NKAIN2: variants seen among roughly 807,000 people sequenced by gnomAD.
NKAIN2 encodes the protein sodium/potassium-transporting ATPase subunit beta-1-interacting protein 2.
A neutral mutation model predicts 32.6 loss-of-function variants in NKAIN2; 14 were observed. The ratio of observed to expected loss-of-function variants is 0.43; its 90% confidence interval spans 0.28 to 0.67. The LOEUF (loss-of-function observed/expected upper bound fraction) is 0.67. NKAIN2 is among the 30% of genes least tolerant of loss of function. The probability of loss-of-function intolerance (pLI) is 0.17; values close to 1 mark genes in which losing one functional copy is unlikely to be tolerated. For synonymous variants in NKAIN2, 80 were observed against 87.2 expected, an observed-to-expected ratio of 0.92 and a Z score of 0.46; for missense variants, 198 against 258.3, an observed-to-expected ratio of 0.77 and a Z score of 1.60.
At chr6:124,114,322 A>T (rs1214949671) in intron 1 of NKAIN2, among the ~76,000 whole-genome samples, 1 of 151,772 alleles carries the variant, frequency 6.6e-6, no homozygotes, top group Non-Finnish European at 1.5e-5. Flanking sequence ...CACAAGGGAC[A>T]TTTGGCCTTA....
intron 3 of NKAIN2, among the ~76,000 whole-genome samples, chr6:124,561,727 AAT>A (rs1375166843): frequency 6.6e-6 from 1 of 152,282 alleles, no homozygotes; most frequent in East Asian, 1.9e-4. Context: ...TTTAATGGTA[AAT>A]ATATCCTAAA....
intron 3 of NKAIN2, among the ~76,000 whole-genome samples, chr6:124,502,061 A>T (rs950354074): frequency 6.6e-6 from 1 of 152,084 alleles, no homozygotes; most frequent in Non-Finnish European, 1.5e-5. Flanking sequence ...CCGAGATAGC[A>T]CCACTGCACT....
chr6:124,760,803 A>T (rs1778229152), intron 4 of NKAIN2, among the ~76,000 whole-genome samples: 1 of 152,246 alleles, frequency 6.6e-6, no homozygotes, highest in Middle Eastern at 3.4e-3. Flanking sequence ...CACTCACTTC[A>T]CCCTGAAATC....
At chr6:124,641,813 C>T (rs768235814) in intron 3 of NKAIN2, among the ~76,000 whole-genome samples, 3 of 151,888 alleles carry the variant, frequency 2.0e-5, no homozygotes, top group Non-Finnish European at 4.4e-5. Context: ...CCTTAGCCTC[C>T]CAAAGTGCTG....
chr6:123,988,903 G>GTA (rs3039595), intron 1 of NKAIN2, among the ~76,000 whole-genome samples: 9,832 of 147,966 alleles, frequency 0.066, 1,010 homozygotes, highest in African/African-American at 0.15. Context: ...GTGTGTGTGT[G>GTA]TGTATGTGAG....
At chr6:124,569,545 C>A (rs1388557604) in intron 3 of NKAIN2, among the ~76,000 whole-genome samples, 1 of 152,044 alleles carries the variant, frequency 6.6e-6, no homozygotes, top group African/African-American at 2.4e-5. Flanking sequence ...CTGGTCTTTC[C>A]CATGCTATTC....
chr6:123,952,725 T>A (rs1426468203), intron 1 of NKAIN2, among the ~76,000 whole-genome samples: 2 of 152,166 alleles, frequency 1.3e-5, no homozygotes, highest in Non-Finnish European at 2.9e-5. Flanking sequence ...TTTTTCAGTT[T>A]CATAATTTCT....
chr6:124,638,141 T>C (rs921934737), intron 3 of NKAIN2, among the ~76,000 whole-genome samples: 2 of 151,984 alleles, frequency 1.3e-5, no homozygotes, highest in Non-Finnish European at 2.9e-5. Context: ...TTGCCAAAGG[T>C]TCCAAGAACA....
chr6:124,096,486 A>T (rs188618240), intron 1 of NKAIN2, among the ~76,000 whole-genome samples: 15 of 152,288 alleles, frequency 9.8e-5, no homozygotes, highest in Admixed American at 8.5e-4. Flanking sequence ...AACAGCTTTG[A>T]CCATGTTATT....
chr6:124,091,277 C>G (rs79755281), intron 1 of NKAIN2, among the ~76,000 whole-genome samples: 2,841 of 151,944 alleles, frequency 0.019, 76 homozygotes, highest in African/African-American at 0.062. Context: ...AAAATCATTA[C>G]AGCAGGCACA....
At chr6:124,216,847 C>T (rs1474907397) in intron 1 of NKAIN2, among the ~76,000 whole-genome samples, 1 of 152,102 alleles carries the variant, frequency 6.6e-6, no homozygotes, top group Non-Finnish European at 1.5e-5. Context: ...CCTATATTTT[C>T]ACCTCAAAAC....
chr6:124,293,583 T>G (rs1477595671), intron 2 of NKAIN2, among the ~76,000 whole-genome samples: 1 of 152,274 alleles, frequency 6.6e-6, no homozygotes, highest in East Asian at 1.9e-4. Flanking sequence ...TTTCCAATCT[T>G]TTCTACAATA....
intron 3 of NKAIN2, among the ~76,000 whole-genome samples, chr6:124,516,510 A>T (rs1778920838): frequency 6.6e-6 from 1 of 152,116 alleles, no homozygotes; most frequent in South Asian, 2.1e-4. Context: ...CTTCCTTAGG[A>T]TATTCATGTT....
At chr6:124,532,575 T>C (rs1779564558) in intron 3 of NKAIN2, among the ~76,000 whole-genome samples, 1 of 152,170 alleles carries the variant, frequency 6.6e-6, no homozygotes, top group Admixed American at 6.5e-5. Flanking sequence ...GCTGGGATTG[T>C]CACAGGAGCA....
intron 5 of NKAIN2, among the ~76,000 whole-genome samples, chr6:124,800,910 T>A (rs1780228209): frequency 6.6e-6 from 1 of 152,192 alleles, no homozygotes; most frequent in Admixed American, 6.5e-5. Context: ...ACATTAACAA[T>A]CCTGCTACAA....
intron 3 of NKAIN2, among the ~76,000 whole-genome samples, chr6:124,622,301 T>C (rs1368359296): frequency 6.6e-6 from 1 of 152,144 alleles, no homozygotes; most frequent in Non-Finnish European, 1.5e-5. Flanking sequence ...ATGTGAAAAA[T>C]TCAGTGGGAG....
At position 124,681,682 on chromosome 6, in the gene NKAIN2, G is replaced by A. The variant is rs146189292; in HGVS notation, c.474+23296G>A. On this transcript the variant is annotated intron_variant, in intron 4 of 6. Coordinates refer to ENST00000368417, the MANE Select transcript of NKAIN2 (RefSeq NM_001040214.3). ...GTATGTGCTCTGCTGCTATAGATAG[G>A]AATGAAGATTGGAGATTGAGACATA... Among the ~76,000 whole-genome samples, 17 of 152,124 alleles carry A rather than the reference G, an allele frequency of 1.1e-4. No homozygotes were observed. In the East Asian group the frequency reaches 2.7e-3, roughly 24 times the overall value.
chr6:123,872,853 C>CT (rs1218851567), intron 1 of NKAIN2, among the ~76,000 whole-genome samples: 6 of 152,098 alleles, frequency 3.9e-5, no homozygotes, highest in African/African-American at 1.4e-4. Flanking sequence ...TTATGGAACT[C>CT]TAATATTTTT....
At chr6:124,203,574 T>C (rs1297847565) in intron 1 of NKAIN2, among the ~76,000 whole-genome samples, 1 of 151,840 alleles carries the variant, frequency 6.6e-6, no homozygotes, top group Non-Finnish European at 1.5e-5. Context: ...TAAATAAGCA[T>C]GCTGAGAGAG....
Sources: gnomAD v4.1 joint callset for allele counts (sites outside exome capture counted in the v4.1 genomes callset) on GRCh38, gnomAD v4.1.1 for gene constraint, MANE v1.5 for transcripts, NCBI Gene and HGNC (gene_info 2026-07-23, HGNC 2026-07-21) for gene names.